TBL1XR1: variants seen among roughly 807,000 people sequenced by gnomAD.
TBL1XR1 encodes the protein F-box-like/WD repeat-containing protein TBL1XR1.
TBL1XR1 carries 5 observed loss-of-function variants against 66.9 expected under a neutral mutation model. That is an observed-to-expected ratio of 0.07 (90% CI 0.04 to 0.16). The LOEUF is 0.16. TBL1XR1 is among the 10% of genes least tolerant of loss of function. The pLI, the probability that TBL1XR1 is intolerant of heterozygous loss-of-function variation, is 1.00. For missense variants in TBL1XR1, 238 were observed against 623.2 expected, an observed-to-expected ratio of 0.38 and a Z score of 6.58; for synonymous variants, 210 against 206.0, an observed-to-expected ratio of 1.02 and a Z score of -0.17.
intron 1 of TBL1XR1, among the ~76,000 whole-genome samples, chr3:177,172,746 T>A (rs577226726): frequency 6.6e-6 from 1 of 151,110 alleles, no homozygotes; most frequent in Non-Finnish European, 1.5e-5. Flanking sequence ...CAAGCCATAG[T>A]AAGTATTGCT....
chr3:177,200,156 G>A (rs1457075567), upstream of TBL1XR1, among the ~76,000 whole-genome samples: 1 of 152,108 alleles, frequency 6.6e-6, no homozygotes. Context: ...ATTTTTAGTA[G>A]AGATGGGGTT....
Position 177,098,519 on chromosome 3 carries a change from A to T in TBL1XR1, c.-99T>A. ...GCAACTGAATATCCGGTCACCGCCAATCACAAGTTGCTGTTGTTGATGCTG... is the reference window on the plus strand; with the variant it reads ...GCAACTGAATATCCGGTCACCGCCATTCACAAGTTGCTGTTGTTGATGCTG... On this transcript the variant is annotated 5_prime_UTR_variant, in exon 2 of 16. In the 5' UTR this introduces an upstream ATG that the reference lacks. Transcript: ENST00000457928. 1.0e-6 allele frequency: 1 copy of T among 985,890 alleles called. No individual in the cohort carries two copies. The highest frequency in any genetic ancestry group is 1.2e-6 in the Non-Finnish European group (1 of 829,938). 61.1% of individuals were successfully genotyped at this position (985,890 alleles called of 1,614,324 possible).
At chr3:177,190,926 G>T (rs998986229) in intron 1 of TBL1XR1, among the ~76,000 whole-genome samples, 1 of 152,174 alleles carries the variant, frequency 6.6e-6, no homozygotes, top group Non-Finnish European at 1.5e-5. Context: ...ACAGTTATGG[G>T]ATTTGTGATC....
chr3:177,086,376 T>C (rs970199476), intron 2 of TBL1XR1, among the ~76,000 whole-genome samples: 1 of 151,874 alleles, frequency 6.6e-6, no homozygotes, highest in African/African-American at 2.4e-5. Flanking sequence ...GTATTTCTAG[T>C]GGTTACCATA....
intron 1 of TBL1XR1, among the ~76,000 whole-genome samples, chr3:177,161,774 ACT>A (rs1458666526): frequency 2.2e-5 from 3 of 135,746 alleles, no homozygotes; most frequent in African/African-American, 5.2e-5. Context: ...ACAGAGTGAG[ACT>A]CTGACTCAAA....
At chr3:177,054,578 A>G (rs2108506725) in intron 3 of TBL1XR1, among the ~76,000 whole-genome samples, 1 of 152,348 alleles carries the variant, frequency 6.6e-6, no homozygotes, top group East Asian at 1.9e-4. Context: ...TTCTACATAT[A>G]AATTGTCAAA....
chr3:177,053,670 C>G, intron 4 of TBL1XR1, 103 bp downstream of exon 4: 6 of 1,175,376 alleles, frequency 5.1e-6, no homozygotes, highest in South Asian at 1.4e-5. Context: ...TTTTGTTAAC[C>G]CTGTGAAGCT....
rs117037344 is a variant in TBL1XR1, at chr3:177,034,339, A to C, written c.1123-14T>G. 1,156 of 1,501,544 alleles carry C rather than the reference A, an allele frequency of 7.7e-4. 22 individuals are homozygous for C. In the Admixed American group the frequency reaches 0.026, roughly 34 times the overall value. 93.0% of individuals were successfully genotyped at this position (1,501,544 alleles called of 1,614,324 possible). Reference sequence around the variant, plus strand: ...CATACTCCATATCTAAACAAAAAAGAAAAATGTATACAATTATTTTTCCAT... The same window carrying C: ...CATACTCCATATCTAAACAAAAAAGCAAAATGTATACAATTATTTTTCCAT... On this transcript the variant is annotated splice_polypyrimidine_tract_variant and intron_variant, in intron 12 of 15. Coordinates refer to ENST00000457928, the MANE Select transcript of TBL1XR1 (RefSeq NM_024665.7).
At chr3:177,051,858 TATAAG>T (rs1364730200) in intron 4 of TBL1XR1, 132 bp from the exon 5 acceptor site, 1 of 1,152,334 alleles carries the variant, frequency 8.7e-7, no homozygotes, top group Non-Finnish European at 1.2e-6. Context: ...TCTGAATTCA[TATAAG>T]AAGTCCGGAG....
intron 1 of TBL1XR1, among the ~76,000 whole-genome samples, chr3:177,153,330 A>C (rs977561150): frequency 4.6e-5 from 7 of 152,180 alleles, no homozygotes; most frequent in African/African-American, 1.4e-4. Context: ...AACAGCAGAT[A>C]CAAGTGGAAA....
intron 1 of TBL1XR1, among the ~76,000 whole-genome samples, chr3:177,108,493 T>C (rs955137271): frequency 6.6e-6 from 1 of 152,194 alleles, no homozygotes; most frequent in African/African-American, 2.4e-5. Context: ...TATAGTGTAT[T>C]AGACAGCTTG....
At chr3:177,040,791 T>A (rs1316419807) in intron 10 of TBL1XR1, among the ~76,000 whole-genome samples, 2 of 152,148 alleles carry the variant, frequency 1.3e-5, no homozygotes. Flanking sequence ...ATTAAAATAA[T>A]TAGTTTTGGG....
At chr3:177,094,842 G>T (rs1259498680) in intron 2 of TBL1XR1, among the ~76,000 whole-genome samples, 1 of 151,988 alleles carries the variant, frequency 6.6e-6, no homozygotes, top group African/African-American at 2.4e-5. Context: ...GATGGAGAGG[G>T]ATGAAAGACT....
chr3:177,126,559 G>A (rs1413215914), intron 1 of TBL1XR1, among the ~76,000 whole-genome samples: 2 of 152,114 alleles, frequency 1.3e-5, no homozygotes, highest in Non-Finnish European at 2.9e-5. Flanking sequence ...CCTCCAGCTA[G>A]AAATAACTGC....
intron 1 of TBL1XR1, among the ~76,000 whole-genome samples, chr3:177,144,809 AT>A (rs1208419003): frequency 6.6e-6 from 1 of 152,192 alleles, no homozygotes; most frequent in Non-Finnish European, 1.5e-5. Context: ...AAATTAATCA[AT>A]GTGGCTGTAT....
At chr3:177,124,451 T>C (rs1442594482) in intron 1 of TBL1XR1, among the ~76,000 whole-genome samples, 3 of 152,276 alleles carry the variant, frequency 2.0e-5, no homozygotes, top group Admixed American at 2.0e-4. Flanking sequence ...ATTAGACAGT[T>C]CTATTAGTAA....
intron 1 of TBL1XR1, among the ~76,000 whole-genome samples, chr3:177,120,468 C>A (rs1393655059): frequency 1.3e-5 from 2 of 152,134 alleles, no homozygotes; most frequent in Non-Finnish European, 2.9e-5. Flanking sequence ...CTCTAATTCC[C>A]AAGAGTCTTC....
chr3:177,058,298 G>C (rs1025680012), intron 3 of TBL1XR1, among the ~76,000 whole-genome samples: 4 of 152,134 alleles, frequency 2.6e-5, no homozygotes, highest in African/African-American at 7.2e-5. Context: ...CTGCCCTACA[G>C]ATCCAGATTT....
intron 2 of TBL1XR1, among the ~76,000 whole-genome samples, chr3:177,084,087 C>CAAAAAAAAAAAAA (rs36022409): frequency 1.4e-5 from 1 of 74,060 alleles, no homozygotes; most frequent in Non-Finnish European, 2.7e-5. Flanking sequence ...GACTCCGTCT[C>CAAAAAAAAAAAAA]AAAAAAAAAA....
Sources: allele counts gnomAD v4.1 joint callset (sites outside exome capture counted in the v4.1 genomes callset), GRCh38; gene constraint gnomAD v4.1.1; transcripts MANE v1.5; gene names NCBI Gene and HGNC (gene_info 2026-07-23, HGNC 2026-07-21).